The following LRRC4B variants were observed in gnomAD, a reference collection of about 807,000 sequenced individuals.
LRRC4B encodes leucine-rich repeat-containing protein 4B.
In LRRC4B, 1 loss-of-function variant was observed where a neutral mutation model predicts 7.3. That is an observed-to-expected ratio of 0.14 (90% CI 0.05 to 0.65). The LOEUF is 0.65. LRRC4B is among the 30% of genes least tolerant of loss of function. LRRC4B has a pLI of 0.84. For synonymous variants in LRRC4B, 500 were observed against 499.2 expected (o/e 1.00, Z -0.02); for missense variants, 730 against 1,041.6 (o/e 0.70, Z 4.12).
intron 2 of LRRC4B, among the ~76,000 whole-genome samples, chr19:50,535,965 A>G (rs1242408866): frequency 1.3e-5 from 2 of 152,244 alleles, no homozygotes; most frequent in African/African-American, 4.8e-5. Context: ...GCAAGGCAGC[A>G]GGACTTTGCC....
intron 1 of LRRC4B, among the ~76,000 whole-genome samples, chr19:50,552,595 TCC>T (rs1437662379): frequency 6.2e-4 from 27 of 43,886 alleles, no homozygotes; most frequent in African/African-American, 3.2e-3. Flanking sequence ...CATCTGTCCA[TCC>T]ATCCATCCAT....
chr19:50,551,514 C>T (rs1474910225), intron 1 of LRRC4B, among the ~76,000 whole-genome samples: 17 of 142,796 alleles, frequency 1.2e-4, no homozygotes, highest in African/African-American at 3.7e-4. Flanking sequence ...CTCCACCCAC[C>T]GACCCCAGCC....
At chr19:50,535,362 A>G (rs1471531404) in intron 2 of LRRC4B, among the ~76,000 whole-genome samples, 24 of 151,582 alleles carry the variant, frequency 1.6e-4, no homozygotes, top group African/African-American at 5.3e-4. Flanking sequence ...AGTAGAGACA[A>G]GGTTTCACCA....
At position 50,517,266 on chromosome 19, in the gene LRRC4B, T is replaced by G; in HGVS notation, c.*305A>C. ...TGGAAGGCGGCGGGCCCGGAACGCT[T>G]GGTGGGAGAGCGAGGAGGAAACGCG... On this transcript the variant is annotated 3_prime_UTR_variant, in exon 3 of 3. Transcript: ENST00000652263. The surrounding 1 kb of genome is among the most constrained non-coding windows in gnomAD (Gnocchi z 6.6). 4 of 228,904 alleles carry G rather than the reference T, an allele frequency of 1.7e-5. No homozygotes were observed. The highest frequency in any genetic ancestry group is 2.6e-5 in the Non-Finnish European group (3 of 116,634). The allele number at this position is 228,904 out of a possible 1,614,324, so 14.2% of individuals were successfully genotyped here.
chr19:50,518,047 G>A lies in LRRC4B; in HGVS notation c.1666C>T (p.Pro556Ser). 6.3e-7 allele frequency: 1 copy of A among 1,575,734 alleles called. No individual in the cohort carries two copies. Among genetic ancestry groups the A allele is most frequent in the South Asian group, 1.2e-5 (1 of 85,684 alleles). ...SRPTEKAFTV[P>S]ITDVTENALK... ...GCGTTCTCCGTCACATCCGTGATGG[G>A]CACCGTGAACGCCTTCTCCGTGGGC... The change falls in exon 3 of 3, where the codon CCC (proline) becomes TCC (serine). Residue 556 changes from proline (P) to serine (S), a missense_variant. Pro to Ser is a moderately conservative substitution (Grantham distance 74, BLOSUM62 -1). Transcript: ENST00000652263.
At chr19:50,529,886 G>C (rs1980974350) in intron 2 of LRRC4B, among the ~76,000 whole-genome samples, 1 of 151,994 alleles carries the variant, frequency 6.6e-6, no homozygotes, top group African/African-American at 2.4e-5. Context: ...CCCCTCTCTG[G>C]GTTACACTGA....
At chr19:50,562,742 G>GT (rs552875438) in intron 1 of LRRC4B, among the ~76,000 whole-genome samples, 46,217 of 128,144 alleles carry the variant, frequency 0.36, 8,321 homozygotes, top group African/African-American at 0.43. Flanking sequence ...TTTTTTTTTT[G>GT]TTTTTTTTTT....
intron 2 of LRRC4B, among the ~76,000 whole-genome samples, chr19:50,540,563 CCAGGCTGGTCTCGAACTCGTGA>C (rs1981494250): frequency 6.6e-6 from 1 of 151,908 alleles, no homozygotes; most frequent in Non-Finnish European, 1.5e-5. Context: ...GCCGTGTTGG[CCAGGCTGGTCTCGAACTCGTGA>C]CCTCAGGTGA....
chr19:50,538,862 C>CCCGGCCAGGTTTTG (rs1297773247), intron 2 of LRRC4B, among the ~76,000 whole-genome samples: 1 of 150,756 alleles, frequency 6.6e-6, no homozygotes. Context: ...AGCCACCGTG[C>CCCGGCCAGGTTTTG]TGGGATTACA....
chr19:50,520,248 GAAGA>G (rs1405867442), intron 2 of LRRC4B, among the ~76,000 whole-genome samples: 3 of 14,464 alleles, frequency 2.1e-4, no homozygotes, highest in African/African-American at 3.8e-4. Context: ...AAAAAAAAAA[GAAGA>G]AAAGAAAAGA....
At position 50,517,849 on chromosome 19, in the gene LRRC4B, C is replaced by T. The variant is rs1339437254; in HGVS notation, c.1864G>A (p.Asp622Asn). The change falls in exon 3 of 3, where the codon GAC becomes AAC. Residue 622 changes from aspartate (D) to asparagine (N), a missense_variant. Coordinates refer to ENST00000652263, the MANE Select transcript of LRRC4B (RefSeq NM_001080457.2). This position sits in a 1 kb window ranked among gnomAD's most constrained non-coding sequence, Gnocchi z 6.6. Reference sequence around the variant, plus strand: ...ACGGCCGAGGCGGCGGGCAGCTCGTCCTCCACGTTGATGATCTCCACGGTG... The same window carrying T: ...ACGGCCGAGGCGGCGGGCAGCTCGTTCTCCACGTTGATGATCTCCACGGTG... ...TRTVEIINVE[D>N]ELPAASAVSV... 5.7e-6 allele frequency: 9 copies of T among 1,585,570 alleles called. No individual in the cohort carries two copies. The highest frequency in any genetic ancestry group is 1.4e-5 in the African/African-American group (1 of 72,862).
At chr19:50,534,657 G>A (rs1320920100) in intron 2 of LRRC4B, among the ~76,000 whole-genome samples, 1 of 152,110 alleles carries the variant, frequency 6.6e-6, no homozygotes, top group Non-Finnish European at 1.5e-5. Flanking sequence ...TAACCCCGAT[G>A]GGGACTTTCC....
Position 50,548,396 on chromosome 19 carries a change from G to A in LRRC4B, c.297+146C>T, listed in dbSNP as rs1981902558. On this transcript the variant is annotated intron_variant, in intron 2 of 2. Coordinates refer to ENST00000652263, the MANE Select transcript of LRRC4B (RefSeq NM_001080457.2). The surrounding 1 kb of genome is among the most constrained non-coding windows in gnomAD (Gnocchi z 6.8). ...CCACCTCGGGAGCCCGGCTCCAGCT[G>A]ATAGGATGCAGACCCGCAGGCCACA... is the stretch of plus-strand genomic sequence containing the variant. 2 of 1,157,924 alleles carry A rather than the reference G, an allele frequency of 1.7e-6. No individual in the cohort carries two copies. The highest frequency in any genetic ancestry group is 2.4e-6 in the Non-Finnish European group (2 of 827,256). The allele number at this position is 1,157,924 out of a possible 1,614,324, so 71.7% of individuals were successfully genotyped here.
chr19:50,561,462 G>C (rs1400093568), intron 1 of LRRC4B, among the ~76,000 whole-genome samples: 1 of 151,700 alleles, frequency 6.6e-6, no homozygotes, highest in Non-Finnish European at 1.5e-5. Flanking sequence ...TGTTGGCCGT[G>C]GTGGCTCATG....
intron 2 of LRRC4B, among the ~76,000 whole-genome samples, chr19:50,544,215 A>G (rs1981692144): frequency 6.6e-6 from 1 of 151,822 alleles, no homozygotes; most frequent in Admixed American, 6.6e-5. Context: ...CTCAAAAAAA[A>G]TAAAAAATAG....
At position 50,568,266 on chromosome 19, in the gene LRRC4B, TCCTTCCTTCCAG is replaced by T. The variant is rs1982710082; in HGVS notation, c.-370_-359del. On this transcript the variant is annotated 5_prime_UTR_variant, in exon 1 of 3. Coordinates refer to ENST00000652263, the MANE Select transcript of LRRC4B (RefSeq NM_001080457.2). ...TTCTTTCCTTCTTTCTTTCCTGGCTTCCTTCCTTCCAGCCTTCCTTCCTTCCTTCCTCCCTCC... is the reference window on the plus strand; with the variant it reads ...TTCTTTCCTTCTTTCTTTCCTGGCTTCCTTCCTTCCTTCCTTCCTCCCTCC... 6.6e-6 allele frequency among the ~76,000 whole-genome samples: 1 copy of T among 151,098 alleles called. No individual in the cohort carries two copies. The highest frequency in any genetic ancestry group is 1.5e-5 in the Non-Finnish European group (1 of 67,746).
intron 1 of LRRC4B, among the ~76,000 whole-genome samples, chr19:50,552,590 G>GTCCATCCA (rs71182735): frequency 1.0e-4 from 11 of 110,464 alleles, no homozygotes; most frequent in South Asian, 3.0e-4. Flanking sequence ...CCATCCATCT[G>GTCCATCCA]TCCATCCATC....
chr19:50,536,291 A>G (rs1981282745), intron 2 of LRRC4B, among the ~76,000 whole-genome samples: 1 of 151,634 alleles, frequency 6.6e-6, no homozygotes, highest in African/African-American at 2.4e-5. Context: ...ACATCACCAC[A>G]CCTGGCTAAT....
At chr19:50,538,176 C>CCTCAGCCTCCTGAGTAG (rs1981374077) in intron 2 of LRRC4B, among the ~76,000 whole-genome samples, 2 of 152,210 alleles carry the variant, frequency 1.3e-5, no homozygotes, top group African/African-American at 4.8e-5. Flanking sequence ...GATTCTCCTG[C>CCTCAGCCTCCTGAGTAG]CTCAGCCTCC....
Sources: allele counts gnomAD v4.1 joint callset (sites outside exome capture counted in the v4.1 genomes callset), GRCh38; gene constraint gnomAD v4.1.1; non-coding constraint Gnocchi (gnomAD v3.1); transcripts MANE v1.5; gene names NCBI Gene and HGNC (gene_info 2026-07-23, HGNC 2026-07-21).